CMKLR2: variants seen among roughly 807,000 people sequenced by gnomAD.
CMKLR2 encodes the protein chemerin-like receptor 2.
CMKLR2 carries 18 observed loss-of-function variants against 23.0 expected under a neutral mutation model. That is an observed-to-expected ratio of 0.78 (90% confidence interval 0.54 to 1.16). The LOEUF is 1.16. Ranked by LOEUF, CMKLR2 falls within the 50% of genes most tolerant of loss-of-function variation. The pLI, the probability that CMKLR2 is intolerant of heterozygous loss-of-function variation, is 0.00. For synonymous variants in CMKLR2, 158 were observed against 158.9 expected (o/e 0.99, Z 0.05); for missense variants, 401 against 412.7 (o/e 0.97, Z 0.25).
At chr2:206,186,011 C>G (rs934268471) in intron 1 of CMKLR2, among the ~76,000 whole-genome samples, 1 of 151,976 alleles carries the variant, frequency 6.6e-6, no homozygotes, top group African/African-American at 2.4e-5. Flanking sequence ...ACAGAGCTGC[C>G]CTACTTTTCT....
At chr2:206,205,849 G>A (rs923960224) in intron 1 of CMKLR2, among the ~76,000 whole-genome samples, 2 of 151,966 alleles carry the variant, frequency 1.3e-5, no homozygotes, top group Non-Finnish European at 2.9e-5. Context: ...ACAGGCATAT[G>A]CCACCATGCC....
At chr2:206,192,928 T>C (rs986969875) in intron 1 of CMKLR2, among the ~76,000 whole-genome samples, 1 of 152,198 alleles carries the variant, frequency 6.6e-6, no homozygotes, top group Non-Finnish European at 1.5e-5. Flanking sequence ...AAATCCTCTT[T>C]AGAGTAGTTA....
chr2:206,183,368 C>T (rs912980095), intron 1 of CMKLR2, among the ~76,000 whole-genome samples: 2 of 152,166 alleles, frequency 1.3e-5, no homozygotes, highest in African/African-American at 4.8e-5. Flanking sequence ...CCTGCTGGGA[C>T]AGTGTGATCA....
At chr2:206,211,148 A>G (rs1185934740) in intron 1 of CMKLR2, among the ~76,000 whole-genome samples, 1 of 152,072 alleles carries the variant, frequency 6.6e-6, no homozygotes, top group African/African-American at 2.4e-5. Flanking sequence ...TTTTCAGATT[A>G]ACTCTGCCTT....
At chr2:206,205,504 A>G (rs1323854307) in intron 1 of CMKLR2, among the ~76,000 whole-genome samples, 1 of 151,428 alleles carries the variant, frequency 6.6e-6, no homozygotes, top group Admixed American at 6.6e-5. Flanking sequence ...CTGGGACTAC[A>G]GGTGCTCACC....
At chr2:206,198,561 T>C (rs1688990930) in intron 1 of CMKLR2, among the ~76,000 whole-genome samples, 1 of 152,176 alleles carries the variant, frequency 6.6e-6, no homozygotes, top group Non-Finnish European at 1.5e-5. Context: ...AGAGTGGACA[T>C]TCAAACAATG....
Position 206,175,466 on chromosome 2 carries a change from A to T in CMKLR2, c.*714T>A, listed in dbSNP as rs1688175785. On this transcript the variant is annotated 3_prime_UTR_variant, in exon 2 of 2. Transcript: ENST00000621141. ...TTTAAGAATACATTTTAACATTTTT[A>T]AAATTAGTTAATCATATATTTATTT... 6.6e-6 allele frequency: 1 copy of T among 152,198 alleles called. No individual in the cohort carries two copies. Among genetic ancestry groups the T allele is most frequent in the African/African-American group, 2.4e-5 (1 of 41,452 alleles). 9.4% of individuals were successfully genotyped at this position (152,198 alleles called of 1,614,324 possible).
chr2:206,204,474 C>A (rs1414789744), intron 1 of CMKLR2, among the ~76,000 whole-genome samples: 8 of 151,476 alleles, frequency 5.3e-5, no homozygotes, highest in African/African-American at 1.9e-4. Context: ...ATAGCAAATT[C>A]TCGGGCTTCT....
upstream of CMKLR2, chr2:206,217,595 T>G (rs1271090141): frequency 6.6e-6 from 1 of 152,230 alleles, no homozygotes; most frequent in Admixed American, 6.5e-5. Flanking sequence ...TCCACTAAGA[T>G]TTCCGAAGTT....
At chr2:206,215,519 A>T (rs1689726892), upstream of CMKLR2, among the ~76,000 whole-genome samples, 2 of 152,368 alleles carry the variant, frequency 1.3e-5, no homozygotes, top group South Asian at 2.1e-4. Flanking sequence ...GTTTAAGCAC[A>T]GTACACACTG....
intron 1 of CMKLR2, among the ~76,000 whole-genome samples, chr2:206,191,701 T>C (rs1310643877): frequency 6.6e-6 from 1 of 150,444 alleles, no homozygotes; most frequent in Non-Finnish European, 1.5e-5. Context: ...AGGGTCTGGC[T>C]GTGTCACCTA....
intron 1 of CMKLR2, among the ~76,000 whole-genome samples, chr2:206,178,592 T>A (rs1303039833): frequency 1.4e-4 from 22 of 152,336 alleles, no homozygotes; most frequent in Admixed American, 1.4e-3. Flanking sequence ...TTCTTTTCCA[T>A]AATAATTTAT....
At chr2:206,188,136 G>A (rs536097598) in intron 1 of CMKLR2, among the ~76,000 whole-genome samples, 21 of 152,218 alleles carry the variant, frequency 1.4e-4, no homozygotes, top group Middle Eastern at 3.4e-3. Flanking sequence ...GTTTTGCCAC[G>A]TTGGACAGGC....
chr2:206,200,963 T>G (rs1159274063), intron 1 of CMKLR2, among the ~76,000 whole-genome samples: 2 of 152,178 alleles, frequency 1.3e-5, no homozygotes, highest in Non-Finnish European at 2.9e-5. Flanking sequence ...TTTACTGTTA[T>G]TTTTTAGCGG....
Position 206,207,619 on chromosome 2 carries a change from A to G in CMKLR2, c.-29+5688T>C, listed in dbSNP as rs868502503. Reference sequence around the variant, plus strand: ...TGCATTGTCACATTTAACTCTCACAAGAATCCTGGGAGGTACTGTTATTAT... The same window carrying G: ...TGCATTGTCACATTTAACTCTCACAGGAATCCTGGGAGGTACTGTTATTAT... On this transcript the variant is annotated intron_variant, in intron 1 of 1. Coordinates refer to ENST00000621141, the MANE Select transcript of CMKLR2 (RefSeq NM_001389445.1). Among the ~76,000 whole-genome samples the G allele has an allele frequency of 5.3e-5, 8 of 151,888 alleles. No homozygotes were observed. The Middle Eastern group carries it at 0.01, about 196-fold the overall frequency.
intron 1 of CMKLR2, among the ~76,000 whole-genome samples, chr2:206,185,572 G>A (rs966488769): frequency 6.6e-6 from 1 of 152,144 alleles, no homozygotes; most frequent in African/African-American, 2.4e-5. Context: ...AATGATTTTC[G>A]CAAAGGGGAA....
intron 1 of CMKLR2, among the ~76,000 whole-genome samples, chr2:206,185,560 T>G (rs1688552796): frequency 6.6e-6 from 1 of 152,224 alleles, no homozygotes; most frequent in Admixed American, 6.5e-5. Context: ...TTTCAGCCTT[T>G]GAATGATTTT....
intron 1 of CMKLR2, among the ~76,000 whole-genome samples, chr2:206,210,965 G>A (rs372776654): frequency 3.6e-4 from 54 of 151,982 alleles, no homozygotes; most frequent in Non-Finnish European, 5.9e-4. Flanking sequence ...ATGATTTAAC[G>A]TCAATTCAAC....
At chr2:206,214,164 G>GGTTTTTTTTTTTT (rs1271009931), upstream of CMKLR2, among the ~76,000 whole-genome samples, 1 of 78,864 alleles carries the variant, frequency 1.3e-5, no homozygotes. Context: ...TTAAAGACTT[G>GGTTTTTTTTTTTT]ATTTTTTTTT....
Sources: gnomAD v4.1 joint callset for allele counts (sites outside exome capture counted in the v4.1 genomes callset) on GRCh38, gnomAD v4.1.1 for gene constraint, MANE v1.5 for transcripts, NCBI Gene and HGNC (gene_info 2026-07-23, HGNC 2026-07-21) for gene names.